PTPRT: variants seen among roughly 807,000 people sequenced by gnomAD.
PTPRT encodes the protein receptor-type tyrosine-protein phosphatase T.
PTPRT carries 56 observed loss-of-function variants against 176.8 expected under a neutral mutation model. That is an observed-to-expected ratio of 0.32 (90% CI 0.26 to 0.40). The LOEUF (loss-of-function observed/expected upper bound fraction) is 0.40. Ranked by LOEUF, PTPRT falls within the 10% of genes least tolerant of loss-of-function variation. The probability of loss-of-function intolerance (pLI) is 1.00; values close to 1 mark genes in which losing one functional copy is unlikely to be tolerated. For synonymous variants in PTPRT, 783 were observed against 739.0 expected, an observed-to-expected ratio of 1.06 and a Z score of -0.96; for missense variants, 1,540 against 1,908.2, an observed-to-expected ratio of 0.81 and a Z score of 3.60.
chr20:42,670,420 T>C (rs1480594810), intron 7 of PTPRT, among the ~76,000 whole-genome samples: 2 of 152,190 alleles, frequency 1.3e-5, no homozygotes, highest in East Asian at 3.9e-4. Flanking sequence ...TATTTTTGGC[T>C]CTAAAGCCTC....
chr20:43,045,435 T>C (rs1474004381), intron 1 of PTPRT, among the ~76,000 whole-genome samples: 1 of 149,360 alleles, frequency 6.7e-6, no homozygotes, highest in African/African-American at 2.5e-5. Context: ...AACTCTAACT[T>C]TTTTCTTTTT....
At chr20:42,562,682 A>C (rs995801359) in intron 7 of PTPRT, among the ~76,000 whole-genome samples, 12 of 152,154 alleles carry the variant, frequency 7.9e-5, no homozygotes, top group Non-Finnish European at 1.8e-4. Flanking sequence ...TCATCAGCAC[A>C]TTTTGATGCC....
In PTPRT at chr20:42,110,397, C is replaced by G. The variant is rs2146291389; in HGVS notation, c.3190G>C (p.Gly1064Arg). The change falls in exon 23 of 31, where the codon GGC (glycine) becomes CGC (arginine). Residue 1064 changes from glycine (G) to arginine (R), a missense_variant. Transcript: ENST00000373187. ...AGGAACTTGACCTGGCGGACGAAGC[C>G]CAGAAGGCCAGTGGCATAGCAGGGA... ...GVPCYATGLLGFVRQVKFLNP... is the reference protein window; with the variant it reads ...GVPCYATGLLRFVRQVKFLNP... The G allele has an allele frequency of 6.2e-7, 1 of 1,612,466 alleles. No individual in the cohort carries two copies. The highest frequency in any genetic ancestry group is 8.5e-7 in the Non-Finnish European group (1 of 1,178,802).
intron 17 of PTPRT, among the ~76,000 whole-genome samples, chr20:42,158,972 A>C (rs1278859390): frequency 6.6e-6 from 1 of 152,226 alleles, no homozygotes; most frequent in East Asian, 1.9e-4. Flanking sequence ...CCACACAGGG[A>C]TGAATGCTTT....
intron 1 of PTPRT, among the ~76,000 whole-genome samples, chr20:43,083,337 T>TAC (rs1489432968): frequency 0.29 from 30,335 of 105,522 alleles, 6,885 homozygotes; most frequent in South Asian, 0.42. Flanking sequence ...TATATATATA[T>TAC]ATATATATAT....
chr20:42,587,045 T>G (rs2145743158), intron 7 of PTPRT, among the ~76,000 whole-genome samples: 1 of 152,180 alleles, frequency 6.6e-6, no homozygotes, highest in South Asian at 2.1e-4. Context: ...GCCAAGGAAA[T>G]CCCATCTTCT....
intron 7 of PTPRT, among the ~76,000 whole-genome samples, chr20:42,676,145 G>GGTTAGGAATA (rs1228530294): frequency 3.3e-5 from 5 of 152,122 alleles, no homozygotes; most frequent in Non-Finnish European, 5.9e-5. Flanking sequence ...GATTTCCGAG[G>GGTTAGGAATA]TTCAGGTTAG....
chr20:42,170,444 C>A (rs192140821), intron 16 of PTPRT, among the ~76,000 whole-genome samples: 59 of 152,164 alleles, frequency 3.9e-4, no homozygotes, highest in African/African-American at 1.4e-3. Context: ...AAGACTAAGA[C>A]AACAGACTTT....
chr20:42,577,367 A>C (rs921387262), intron 7 of PTPRT, among the ~76,000 whole-genome samples: 1 of 152,160 alleles, frequency 6.6e-6, no homozygotes, highest in African/African-American at 2.4e-5. Context: ...TACATCGCAG[A>C]AGCCAGCATG....
intron 8 of PTPRT, among the ~76,000 whole-genome samples, chr20:42,459,816 G>A (rs915852524): frequency 5.3e-5 from 8 of 149,932 alleles, no homozygotes; most frequent in African/African-American, 1.7e-4. Flanking sequence ...TCAGCCTCCT[G>A]AGTAGCTGAG....
intron 7 of PTPRT, among the ~76,000 whole-genome samples, chr20:42,568,055 C>T (rs561385752): frequency 2.6e-5 from 4 of 151,850 alleles, no homozygotes; most frequent in South Asian, 2.1e-4. Flanking sequence ...CTGCAACCGC[C>T]GCCTCCTGGG....
At chr20:42,527,056 C>T (rs959778113) in intron 7 of PTPRT, among the ~76,000 whole-genome samples, 7 of 150,308 alleles carry the variant, frequency 4.7e-5, no homozygotes, top group Non-Finnish European at 7.4e-5. Context: ...CTCCTCCTCC[C>T]GGGTTCACGC....
At chr20:42,579,841 C>T (rs2145720226) in intron 7 of PTPRT, among the ~76,000 whole-genome samples, 1 of 152,238 alleles carries the variant, frequency 6.6e-6, no homozygotes, top group East Asian at 1.9e-4. Flanking sequence ...AATTTTCTCC[C>T]ATTCTGTAGG....
chr20:42,442,070 T>C (rs1294654008), intron 9 of PTPRT, among the ~76,000 whole-genome samples: 4 of 152,176 alleles, frequency 2.6e-5, no homozygotes, highest in African/African-American at 9.6e-5. Flanking sequence ...GAGTGGTCAG[T>C]GCAGCAAAGC....
At chr20:42,231,698 C>A (rs1398510239) in intron 15 of PTPRT, among the ~76,000 whole-genome samples, 1 of 152,144 alleles carries the variant, frequency 6.6e-6, no homozygotes. Flanking sequence ...TGGCTCACTG[C>A]TTGGTTTTTA....
chr20:42,620,895 C>A (rs956182467), intron 7 of PTPRT, among the ~76,000 whole-genome samples: 2 of 152,172 alleles, frequency 1.3e-5, no homozygotes, highest in African/African-American at 4.8e-5. Context: ...AGAAAACACC[C>A]GTCTTCTGCA....
At chr20:42,621,323 T>A (rs1413945342) in intron 7 of PTPRT, among the ~76,000 whole-genome samples, 1 of 152,138 alleles carries the variant, frequency 6.6e-6, no homozygotes, top group Non-Finnish European at 1.5e-5. Flanking sequence ...TTTAAACATG[T>A]CCAAATCTTT....
At chr20:42,991,177 C>T (rs901726331) in intron 1 of PTPRT, among the ~76,000 whole-genome samples, 8 of 152,052 alleles carry the variant, frequency 5.3e-5, no homozygotes, top group Admixed American at 1.3e-4. Context: ...TTACATTTAT[C>T]GTGTAAAAAT....
intron 7 of PTPRT, among the ~76,000 whole-genome samples, chr20:42,610,789 G>GT (rs2073963031): frequency 6.6e-6 from 1 of 152,168 alleles, no homozygotes; most frequent in South Asian, 2.1e-4. Context: ...AGCCATCATT[G>GT]TAAGTCAATT....
Sources: gnomAD v4.1 joint callset for allele counts (sites outside exome capture counted in the v4.1 genomes callset) on GRCh38, gnomAD v4.1.1 for gene constraint, MANE v1.5 for transcripts, NCBI Gene and HGNC (gene_info 2026-07-23, HGNC 2026-07-21) for gene names.